The following ZNF554 variants were observed in gnomAD, a reference collection of about 807,000 sequenced individuals.
ZNF554 encodes zinc finger protein 554.
In ZNF554, 15 loss-of-function variants were observed where a neutral mutation model predicts 21.2. That is an observed-to-expected ratio of 0.71 (90% confidence interval 0.47 to 1.09). The LOEUF is 1.09. Ranked by LOEUF, ZNF554 falls within the 50% of genes least tolerant of loss-of-function variation. ZNF554 has a pLI of 0.00. For synonymous variants in ZNF554, 258 were observed against 251.4 expected (o/e 1.03, Z -0.25); for missense variants, 691 against 662.7 (o/e 1.04, Z -0.47).
In ZNF554 at chr19:2,834,275, C is replaced by T. The variant is rs374224608; in HGVS notation, c.1040C>T (p.Thr347Met). The T allele has an allele frequency of 6.8e-5, 109 of 1,613,926 alleles. No homozygotes were observed. Among genetic ancestry groups the T allele is most frequent in the Middle Eastern group, 1.6e-4 (1 of 6,084 alleles). The change falls in exon 5 of 5, where the codon ACG (threonine) becomes ATG (methionine). Residue 347 changes from threonine (T) to methionine (M), a missense_variant. Physicochemically the swap from Thr to Met is moderately conservative, Grantham distance 81. Transcript: ENST00000317243. Reference protein sequence around the residue: ...HSLSEHQRIHTGEKPYECQEC... With the variant: ...HSLSEHQRIHMGEKPYECQEC... ...TTGAGCGAACATCAAAGAATTCACA[C>T]GGGGGAGAAACCCTACGAGTGTCAG...
chr19:2,825,598 A>G (rs1045712062), intron 2 of ZNF554, among the ~76,000 whole-genome samples: 8 of 152,162 alleles, frequency 5.3e-5, no homozygotes, highest in African/African-American at 1.7e-4. Context: ...TTTTTAAAAT[A>G]TTTTAAAAAT....
intron 2 of ZNF554, among the ~76,000 whole-genome samples, chr19:2,827,362 T>A (rs1289395065): frequency 2.0e-5 from 3 of 152,198 alleles, no homozygotes; most frequent in African/African-American, 7.2e-5. Flanking sequence ...ACCAGTTCAA[T>A]AAGAAATGGG....
chr19:2,827,533 C>T, intron 2 of ZNF554, 84 bp from the exon 3 acceptor site: 1 of 1,527,350 alleles, frequency 6.5e-7, no homozygotes. Context: ...TCTCAACTTC[C>T]CTGGTGCCAC....
Position 2,827,675 on chromosome 19 carries a change from T to A in ZNF554, c.185T>A (p.Leu62Gln). The A allele has an allele frequency of 1.2e-6, 2 of 1,614,132 alleles. No individual in the cohort carries two copies. Among genetic ancestry groups the A allele is most frequent in the Non-Finnish European group, 1.7e-6 (2 of 1,179,990 alleles). ...MDFSQEEWEL[L>Q]EPAQKNLYRE... Reference sequence around the variant, plus strand: ...TTCTCCCAGGAGGAGTGGGAGTTGCTGGAGCCTGCTCAGAAGAACCTGTAC... The same window carrying A: ...TTCTCCCAGGAGGAGTGGGAGTTGCAGGAGCCTGCTCAGAAGAACCTGTAC... Residue 62 changes from leucine to glutamine, a missense_variant, in exon 3 of 5, where the codon CTG (leucine) becomes CAG (glutamine). Coordinates refer to ENST00000317243, the MANE Select transcript of ZNF554 (RefSeq NM_001102651.2).
At chr19:2,826,221 T>TTTTTTTTTG (rs2087330731) in intron 2 of ZNF554, 1 of 146,426 alleles carries the variant, frequency 6.8e-6, no homozygotes, top group Non-Finnish European at 1.5e-5. Context: ...TTTTTTTTTT[T>TTTTTTTTTG]TGAAATGGAG....
rs532328947 is a variant in ZNF554 at position 2,828,369 on chromosome 19, G to A, written c.253+626G>A. On this transcript the variant is annotated intron_variant, in intron 3 of 4. Transcript: ENST00000317243. ...GATTCCCCTTGGGAACAAAGTCAGA[G>A]TGTCTTAGTCCGTTTCACACTGCTA... is the stretch of plus-strand genomic sequence containing the variant. 1.3e-4 allele frequency among the ~76,000 whole-genome samples: 20 copies of A among 152,332 alleles called. No individual in the cohort carries two copies. The South Asian group carries it at 3.5e-3, about 27-fold the overall frequency.
intron 2 of ZNF554, among the ~76,000 whole-genome samples, chr19:2,826,517 C>T (rs1405794416): frequency 6.6e-6 from 1 of 152,008 alleles, no homozygotes; most frequent in Non-Finnish European, 1.5e-5. Context: ...TTACATCTTA[C>T]AGCAGATACC....
In ZNF554 at chr19:2,834,254, G is replaced by T. The variant is rs2087464607; in HGVS notation, c.1019G>T (p.Ser340Ile). 6.2e-7 allele frequency: 1 copy of T among 1,613,966 alleles called. No homozygotes were observed. The highest frequency in any genetic ancestry group is 8.5e-7 in the Non-Finnish European group (1 of 1,180,048). Residue 340 changes from serine to isoleucine, a missense_variant, in exon 5 of 5, where the codon AGC becomes ATC. Physicochemically the swap from Ser to Ile is moderately radical, Grantham distance 142. Transcript: ENST00000317243. The stretch of plus-strand genomic sequence containing the variant: ...GTGTTCAACCGGAGGCATTCTTTGA[G>T]CGAACATCAAAGAATTCACACGGGG... ...GKVFNRRHSLSEHQRIHTGEK... is the reference protein window; with the variant it reads ...GKVFNRRHSLIEHQRIHTGEK...
rs1168086889 is a variant in ZNF554, at chr19:2,836,303, A to C, written c.*1451A>C. ...GCGCGAGCCACTGTGCTGGGATTAC[A>C]GGTGTGAGCCACCCTGCTGGGATTA... On this transcript the variant is annotated 3_prime_UTR_variant, in exon 5 of 5. Coordinates refer to ENST00000317243, the MANE Select transcript of ZNF554 (RefSeq NM_001102651.2). Among the ~76,000 whole-genome samples, 3 of 149,288 alleles carry C rather than the reference A, an allele frequency of 2.0e-5. No homozygotes were observed.
chr19:2,835,243 CGGGTG>C lies in ZNF554; in HGVS notation c.*393_*397del. On this transcript the variant is annotated 3_prime_UTR_variant, in exon 5 of 5. Transcript: ENST00000317243. ...ATCCTAACACTTTAGGAGGCCGAGG[CGGGTG>C]GATCATGAGGTCAGGAGATCGAGAC... is the stretch of plus-strand genomic sequence containing the variant. 5.9e-6 allele frequency: 1 copy of C among 169,342 alleles called. No homozygotes were observed. The highest frequency in any genetic ancestry group is 5.4e-5 in the Admixed American group (1 of 18,392). The allele number at this position is 169,342 out of a possible 1,614,324, so 10.5% of individuals were successfully genotyped here. A position where few individuals can be genotyped will look rare whatever the true frequency, so the allele number is the denominator to read the frequency against.
rs1568332468 is a variant in ZNF554 at position 2,825,000 on chromosome 19, G to GTTTTTTTTTTTTTTTT, written c.126+1890_126+1891insTTTTTTTTTTTTTTTT. 5.2e-5 allele frequency among the ~76,000 whole-genome samples: 6 copies of GTTTTTTTTTTTTTTTT among 114,914 alleles called. 2 individuals carry two copies. Among genetic ancestry groups the GTTTTTTTTTTTTTTTT allele is most frequent in the South Asian group, 3.7e-4 (1 of 2,726 alleles). 75.4% of individuals were successfully genotyped at this position (114,914 alleles called of 152,430 possible). Reference sequence around the variant, plus strand: ...TCTCACTGAGCATAACGTGATTGCAGTTGTTTTTTTTTTTTTTTTTTTTTT... The same window carrying GTTTTTTTTTTTTTTTT: ...TCTCACTGAGCATAACGTGATTGCAGTTTTTTTTTTTTTTTTTTGTTTTTTTTTTTTTTTTTTTTTT... On this transcript the variant is annotated intron_variant, in intron 2 of 4. Transcript: ENST00000317243.
In ZNF554 at chr19:2,834,293, A is replaced by G. The variant is rs1238378967; in HGVS notation, c.1058A>G (p.Glu353Gly). 1 of 1,614,010 alleles carries G rather than the reference A, an allele frequency of 6.2e-7. No individual in the cohort carries two copies. The highest frequency in any genetic ancestry group is 8.5e-7 in the Non-Finnish European group (1 of 1,179,990). ...ATTCACACGGGGGAGAAACCCTACG[A>G]GTGTCAGGAGTGTGGGCGAGCCTTT... ...QRIHTGEKPY[E>G]CQECGRAFTH... Residue 353 changes from glutamate to glycine, a missense_variant, in exon 5 of 5, where the codon GAG becomes GGG. Transcript: ENST00000317243.
chr19:2,823,942 C>T (rs2087295441), intron 2 of ZNF554, among the ~76,000 whole-genome samples: 2 of 152,098 alleles, frequency 1.3e-5, no homozygotes, highest in African/African-American at 4.8e-5. Flanking sequence ...TTCAGGCCCT[C>T]CCTGGCCTGA....
intron 4 of ZNF554, 87 bp from the exon 5 acceptor site, chr19:2,833,594 T>C: frequency 8.8e-7 from 1 of 1,137,536 alleles, no homozygotes; most frequent in Non-Finnish European, 1.2e-6. Flanking sequence ...ACAGGCCTTG[T>C]AGATGTCAGA....
intron 3 of ZNF554, among the ~76,000 whole-genome samples, chr19:2,828,219 G>A (rs1344468506): frequency 2.6e-5 from 4 of 152,174 alleles, no homozygotes; most frequent in Non-Finnish European, 5.9e-5. Context: ...GACAGACATG[G>A]GTCCTGGTTT....
chr19:2,830,419 C>T (rs949073630), intron 3 of ZNF554: 1 of 152,162 alleles, frequency 6.6e-6, no homozygotes, highest in African/African-American at 2.4e-5. Context: ...TGATGGACGC[C>T]TGGGTTTCCA....
intron 1 of ZNF554, among the ~76,000 whole-genome samples, chr19:2,820,372 GGGA>G (rs1312808173): frequency 2.0e-5 from 3 of 152,260 alleles, no homozygotes; most frequent in African/African-American, 7.2e-5. Context: ...TGCAAGGAGA[GGGA>G]GAAGACGCAT....
intron 1 of ZNF554, 135 bp downstream of exon 1, chr19:2,820,259 C>A: frequency 2.3e-6 from 2 of 851,954 alleles, no homozygotes; most frequent in Non-Finnish European, 3.1e-6. Context: ...GGTCGGGAGC[C>A]GGCAGCTCGC....
chr19:2,832,305 G>A lies in ZNF554; in HGVS notation c.256G>A (p.Ala86Thr), dbSNP rs553480909. The A allele has an allele frequency of 1.3e-5, 21 of 1,576,898 alleles. No homozygotes were observed. In the South Asian group the frequency reaches 2.4e-4, roughly 18 times the overall value. The change falls in exon 4 of 5, where the codon GCC (alanine) becomes ACC (threonine). Residue 86 changes from alanine to threonine, a missense_variant and splice_region_variant. Ala to Thr is a moderately conservative substitution (Grantham distance 58). Coordinates refer to ENST00000317243, the MANE Select transcript of ZNF554 (RefSeq NM_001102651.2). ...AAGTATACTCTTGTCTTTTTCAGAAGCCTTGAAGAACCAATGTACTGATGT... is the reference window on the plus strand; with the variant it reads ...AAGTATACTCTTGTCTTTTTCAGAAACCTTGAAGAACCAATGTACTGATGT... Reference protein sequence around the residue: ...ENYRNVVSLEALKNQCTDVGI... With the variant: ...ENYRNVVSLETLKNQCTDVGI...
Sources: gnomAD v4.1 joint callset for allele counts (sites outside exome capture counted in the v4.1 genomes callset) on GRCh38, gnomAD v4.1.1 for gene constraint, MANE v1.5 for transcripts, NCBI Gene and HGNC (gene_info 2026-07-23, HGNC 2026-07-21) for gene names.